PTBP2: variants seen among roughly 807,000 people sequenced by gnomAD.
PTBP2 encodes the protein polypyrimidine tract-binding protein 2.
PTBP2 carries 13 observed loss-of-function variants against 61.4 expected under a neutral mutation model. The observed-to-expected ratio is 0.21, with a 90% CI of 0.14 to 0.34. The LOEUF (loss-of-function observed/expected upper bound fraction) is 0.34. PTBP2 is among the 10% of genes least tolerant of loss of function. PTBP2 has a pLI of 1.00. For missense variants in PTBP2, 405 were observed against 642.6 expected (o/e 0.63, Z 4.00); for synonymous variants, 215 against 218.5 (o/e 0.98, Z 0.14).
At chr1:96,796,016 G>T (rs1239445864) in intron 8 of PTBP2, among the ~76,000 whole-genome samples, 1 of 152,130 alleles carries the variant, frequency 6.6e-6, no homozygotes, top group Non-Finnish European at 1.5e-5. Context: ...TGTTTCTAAG[G>T]CTAATTTAAG....
intron 11 of PTBP2, among the ~76,000 whole-genome samples, chr1:96,807,630 T>C (rs572471573): frequency 4.1e-4 from 63 of 152,336 alleles, no homozygotes; most frequent in African/African-American, 1.5e-3. Context: ...CTCAGACTGA[T>C]TGTATTCACA....
chr1:96,743,272 G>A (rs199922261), intron 2 of PTBP2, among the ~76,000 whole-genome samples: 3 of 90,378 alleles, frequency 3.3e-5, no homozygotes, highest in African/African-American at 9.1e-5. Flanking sequence ...GCAAGACTCC[G>A]TCTTAAAAAA....
chr1:96,724,727 G>A, intron 2 of PTBP2, among the ~76,000 whole-genome samples: 1 of 142,488 alleles, frequency 7.0e-6, no homozygotes, highest in East Asian at 2.3e-4. Flanking sequence ...GAGGGGGGAG[G>A]GATAGCTTTA....
At chr1:96,768,815 G>A (rs191539724) in intron 3 of PTBP2, among the ~76,000 whole-genome samples, 104 of 151,910 alleles carry the variant, frequency 6.8e-4, no homozygotes, top group Non-Finnish European at 1.1e-3. Flanking sequence ...TAGTTTAGAC[G>A]GCAATAGTAA....
chr1:96,775,016 C>T (rs973203240), intron 5 of PTBP2, among the ~76,000 whole-genome samples: 3 of 152,168 alleles, frequency 2.0e-5, no homozygotes, highest in Admixed American at 6.5e-5. Context: ...CACCCTTCCT[C>T]CACCTCACAC....
chr1:96,779,093 C>G (rs1420070534), intron 7 of PTBP2, among the ~76,000 whole-genome samples: 2 of 152,078 alleles, frequency 1.3e-5, no homozygotes, highest in Non-Finnish European at 2.9e-5. Context: ...TAGCCTTTCT[C>G]TCCAGTATGC....
At chr1:96,815,707 T>C (rs995393674), downstream of PTBP2, 2 of 152,190 alleles carry the variant, frequency 1.3e-5, no homozygotes, top group African/African-American at 2.4e-5. Flanking sequence ...AGTAATTCAG[T>C]TACCTCCAAG....
At chr1:96,794,910 A>G (rs964642302) in intron 8 of PTBP2, among the ~76,000 whole-genome samples, 18 of 152,192 alleles carry the variant, frequency 1.2e-4, no homozygotes, top group African/African-American at 3.4e-4. Flanking sequence ...ATGAAAGGCT[A>G]TGATGCCAGA....
At chr1:96,800,443 G>A (rs2101157311) in intron 8 of PTBP2, among the ~76,000 whole-genome samples, 1 of 148,092 alleles carries the variant, frequency 6.8e-6, no homozygotes, top group Non-Finnish European at 1.5e-5. Flanking sequence ...CACTAAAAAG[G>A]GCTTTAGACC....
intron 11 of PTBP2, among the ~76,000 whole-genome samples, chr1:96,809,284 A>G (rs900678321): frequency 3.3e-5 from 5 of 152,224 alleles, no homozygotes; most frequent in Admixed American, 3.3e-4. Flanking sequence ...TAACAGAATT[A>G]TGTGTCTAAG....
At chr1:96,762,181 T>G (rs1221051858) in intron 3 of PTBP2, among the ~76,000 whole-genome samples, 7 of 150,240 alleles carry the variant, frequency 4.7e-5, no homozygotes, top group Non-Finnish European at 7.4e-5. Context: ...TCCCCACCTT[T>G]CCCCCCTTTC....
intron 2 of PTBP2, among the ~76,000 whole-genome samples, chr1:96,744,204 A>G (rs371889392): frequency 4.6e-5 from 7 of 152,296 alleles, no homozygotes; most frequent in Admixed American, 1.3e-4. Context: ...AGCCTGGGCA[A>G]CAGACTGAGA....
At chr1:96,779,543 A>C (rs1179770427) in intron 7 of PTBP2, among the ~76,000 whole-genome samples, 1 of 152,060 alleles carries the variant, frequency 6.6e-6, no homozygotes, top group African/African-American at 2.4e-5. Context: ...ACTGTTTGAC[A>C]TTTTTGTTTA....
chr1:96,823,656 T>G (rs1003893237), exon 14 of PTBP2: 19 of 152,206 alleles, frequency 1.2e-4, no homozygotes, highest in African/African-American at 4.3e-4. Flanking sequence ...AAATTCACCA[T>G]ACATTACTAC....
intron 2 of PTBP2, among the ~76,000 whole-genome samples, chr1:96,726,753 T>G (rs534775648): frequency 1.9e-4 from 29 of 152,048 alleles, no homozygotes; most frequent in African/African-American, 6.8e-4. Flanking sequence ...CCAGACTAAT[T>G]TTTGTATTTT....
intron 8 of PTBP2, among the ~76,000 whole-genome samples, chr1:96,804,104 A>G (rs980929987): frequency 6.6e-6 from 1 of 152,184 alleles, no homozygotes; most frequent in Non-Finnish European, 1.5e-5. Context: ...ATGATAACAT[A>G]GATTGGGAAA....
chr1:96,739,582 A>G (rs1407873844), intron 2 of PTBP2, among the ~76,000 whole-genome samples: 3 of 150,740 alleles, frequency 2.0e-5, no homozygotes, highest in Non-Finnish European at 4.4e-5. Context: ...CTGAAAATCC[A>G]AAGTCTGAAT....
chr1:96,742,065 C>G lies in PTBP2; in HGVS notation c.40-9360C>G, dbSNP rs559551153. Among the ~76,000 whole-genome samples the G allele has an allele frequency of 2.5e-3, 384 of 152,294 alleles. 2 individuals are homozygous for G. The highest frequency in any genetic ancestry group is 8.8e-3 in the African/African-American group (365 of 41,576). On this transcript the variant is annotated intron_variant, in intron 2 of 13. Coordinates refer to ENST00000674951, the MANE Select transcript of PTBP2 (RefSeq NM_021190.4). The stretch of plus-strand genomic sequence containing the variant: ...TTCTTCACTGCATTTATTTTAAGAT[C>G]ATTTGGCTAAGTTCTGTGAAGGCTC...
chr1:96,804,959 A>C lies in PTBP2; in HGVS notation c.1044+20A>C. On this transcript the variant is annotated intron_variant, in intron 9 of 13. Coordinates refer to ENST00000674951, the MANE Select transcript of PTBP2 (RefSeq NM_021190.4). ...GAAGAGGTTAGTAAAATAATCTCTAATGTTTATTCTTTAACTCCATTTCAT... is the reference window on the plus strand; with the variant it reads ...GAAGAGGTTAGTAAAATAATCTCTACTGTTTATTCTTTAACTCCATTTCAT... 6.6e-7 allele frequency: 1 copy of C among 1,523,634 alleles called. No individual in the cohort carries two copies. 94.4% of individuals were successfully genotyped at this position (1,523,634 alleles called of 1,614,324 possible). A position where few individuals can be genotyped will look rare whatever the true frequency, so the allele number is the denominator to read the frequency against.
Sources: gnomAD v4.1 joint callset for allele counts (sites outside exome capture counted in the v4.1 genomes callset) on GRCh38, gnomAD v4.1.1 for gene constraint, MANE v1.5 for transcripts, NCBI Gene and HGNC (gene_info 2026-07-23, HGNC 2026-07-21) for gene names.